The following BICC1 variants were observed in gnomAD, a reference collection of about 807,000 sequenced individuals.
BICC1 encodes the protein protein bicaudal C homolog 1.
Under a neutral mutation model 111.0 loss-of-function variants are expected in BICC1, and 43 were observed. That is an observed-to-expected ratio of 0.39 (90% CI 0.30 to 0.50). The LOEUF is 0.50. Among genes scored for constraint, BICC1 ranks in the 20% least tolerant of loss-of-function variants. The pLI is 0.88. For missense variants in BICC1, 1,091 were observed against 1,203.2 expected (o/e 0.91, Z 1.38); for synonymous variants, 467 against 434.4 (o/e 1.07, Z -0.93).
intron 2 of BICC1, among the ~76,000 whole-genome samples, chr10:58,688,771 A>G (rs1326145787): frequency 6.6e-6 from 1 of 152,120 alleles, no homozygotes; most frequent in African/African-American, 2.4e-5. Context: ...CCAGGAAACT[A>G]CACAGGAACA....
chr10:58,727,799 C>A (rs949287807), intron 3 of BICC1, among the ~76,000 whole-genome samples: 3 of 152,274 alleles, frequency 2.0e-5, no homozygotes, highest in Admixed American at 2.0e-4. Context: ...GGAGACACTG[C>A]AGGTTTAGTT....
At chr10:58,619,742 A>G (rs910274098) in intron 1 of BICC1, among the ~76,000 whole-genome samples, 4 of 152,100 alleles carry the variant, frequency 2.6e-5, no homozygotes, top group Admixed American at 6.6e-5. Flanking sequence ...CAAGTTTTGA[A>G]TCTTTCACTT....
intron 2 of BICC1, among the ~76,000 whole-genome samples, chr10:58,637,276 A>G (rs1374665401): frequency 6.6e-6 from 1 of 152,162 alleles, no homozygotes; most frequent in Admixed American, 6.5e-5. Flanking sequence ...GCTATTAGAA[A>G]TATGTTTTTT....
chr10:58,542,418 T>C (rs1309097574), intron 1 of BICC1, among the ~76,000 whole-genome samples: 1 of 152,000 alleles, frequency 6.6e-6, no homozygotes, highest in Non-Finnish European at 1.5e-5. Flanking sequence ...ATTAAGCTCC[T>C]AGAAGAAAAC....
chr10:58,572,622 A>G (rs1843993924), intron 1 of BICC1, among the ~76,000 whole-genome samples: 2 of 152,172 alleles, frequency 1.3e-5, no homozygotes, highest in African/African-American at 4.8e-5. Flanking sequence ...CAAATAAAAT[A>G]TGCATGAAAT....
chr10:58,700,864 T>C (rs1840212005), intron 2 of BICC1, among the ~76,000 whole-genome samples: 1 of 152,166 alleles, frequency 6.6e-6, no homozygotes, highest in Non-Finnish European at 1.5e-5. Context: ...TGCCAAGTTT[T>C]CCAGAGAACC....
At chr10:58,787,377 G>T (rs1379540151) in intron 5 of BICC1, among the ~76,000 whole-genome samples, 1 of 152,132 alleles carries the variant, frequency 6.6e-6, no homozygotes, top group Admixed American at 6.5e-5. Context: ...TATCGTTTAG[G>T]ACCTGGAAGC....
chr10:58,724,484 T>C (rs1478141040), intron 3 of BICC1, among the ~76,000 whole-genome samples: 1 of 152,152 alleles, frequency 6.6e-6, no homozygotes. Context: ...CCTGACTGCT[T>C]TTCCCAGCCC....
intron 3 of BICC1, among the ~76,000 whole-genome samples, chr10:58,738,462 C>T (rs1841547786): frequency 6.6e-6 from 1 of 152,156 alleles, no homozygotes; most frequent in African/African-American, 2.4e-5. Flanking sequence ...TGTGTTGGTG[C>T]CAGTACCATG....
intron 1 of BICC1, among the ~76,000 whole-genome samples, chr10:58,593,411 C>G (rs1844699720): frequency 6.6e-6 from 1 of 152,178 alleles, no homozygotes; most frequent in African/African-American, 2.4e-5. Context: ...ACTGTTTCCT[C>G]AAGTGGGCCC....
chr10:58,591,825 C>T lies in BICC1; in HGVS notation c.191-29030C>T, dbSNP rs147094012. On this transcript the variant is annotated intron_variant, in intron 1 of 20. Transcript: ENST00000373886. Reference sequence around the variant, plus strand: ...TTTTATAATTTACATCCTTCCTCTACGGATGGTTGAATGAATGAATTGCTC... The same window carrying T: ...TTTTATAATTTACATCCTTCCTCTATGGATGGTTGAATGAATGAATTGCTC... Among the ~76,000 whole-genome samples the T allele has an allele frequency of 1.8e-3, 281 of 152,302 alleles. 2 individuals carry two copies. The highest frequency in any genetic ancestry group is 6.1e-3 in the African/African-American group (252 of 41,558).
chr10:58,818,904 G>A (rs952064215), intron 19 of BICC1, among the ~76,000 whole-genome samples: 1 of 152,026 alleles, frequency 6.6e-6, no homozygotes, highest in African/African-American at 2.4e-5. Context: ...GATATTCTGG[G>A]TTTGTTTTCA....
chr10:58,625,439 A>G (rs73290198), intron 2 of BICC1, among the ~76,000 whole-genome samples: 3 of 152,300 alleles, frequency 2.0e-5, no homozygotes, highest in South Asian at 2.1e-4. Context: ...TACAGTCAGC[A>G]TTGTAATTGA....
At chr10:58,719,712 G>A (rs1463383442) in intron 3 of BICC1, among the ~76,000 whole-genome samples, 1 of 152,146 alleles carries the variant, frequency 6.6e-6, no homozygotes, top group Non-Finnish European at 1.5e-5. Flanking sequence ...TTCCATGTGC[G>A]CAGTGCCTGC....
chr10:58,746,852 A>G (rs961567464), intron 3 of BICC1, among the ~76,000 whole-genome samples: 1 of 152,194 alleles, frequency 6.6e-6, no homozygotes, highest in Admixed American at 6.5e-5. Context: ...GTCAGCTGAT[A>G]TGTCAACAGC....
At chr10:58,628,831 C>A (rs2132165542) in intron 2 of BICC1, among the ~76,000 whole-genome samples, 1 of 152,298 alleles carries the variant, frequency 6.6e-6, no homozygotes, top group Non-Finnish European at 1.5e-5. Context: ...AAAAGGTTGG[C>A]TCCAATGTCA....
In BICC1 at chr10:58,513,212, C is replaced by T; in HGVS notation, c.69C>T (p.Ser23=). The T allele has an allele frequency of 2.5e-6, 4 of 1,610,764 alleles. No homozygotes were observed. The highest frequency in any genetic ancestry group is 3.4e-6 in the Non-Finnish European group (4 of 1,178,946). ...QSDPGSNSER[S]TDSPVPGSED... is the part of the protein sequence containing the mutation. ...ACCCCGGCTCCAACAGCGAGCGCAG[C>T]ACCGACTCCCCAGTGCCCGGCTCCG... Residue 23 remains serine (S), a synonymous_variant, in exon 1 of 21, where the codon AGC becomes AGT. Transcript: ENST00000373886.
chr10:58,550,030 T>C (rs747256772), intron 1 of BICC1, among the ~76,000 whole-genome samples: 3 of 152,030 alleles, frequency 2.0e-5, no homozygotes, highest in Non-Finnish European at 2.9e-5. Flanking sequence ...ATTTATTTAG[T>C]TTGGAGACAG....
chr10:58,758,645 A>G (rs1368106461), intron 3 of BICC1, among the ~76,000 whole-genome samples: 1 of 152,242 alleles, frequency 6.6e-6, no homozygotes, highest in African/African-American at 2.4e-5. Flanking sequence ...AAAGCTGCCA[A>G]GCTTAAGAAA....
Sources: gnomAD v4.1 joint callset for allele counts (sites outside exome capture counted in the v4.1 genomes callset) on GRCh38, gnomAD v4.1.1 for gene constraint, MANE v1.5 for transcripts, NCBI Gene and HGNC (gene_info 2026-07-23, HGNC 2026-07-21) for gene names.